IPCEF1: variants seen among roughly 807,000 people sequenced by gnomAD.
IPCEF1 encodes interaction protein for cytohesin exchange factors 1.
A neutral mutation model predicts 50.9 loss-of-function variants in IPCEF1; 31 were observed. The observed-to-expected ratio is 0.61, with a 90% CI of 0.46 to 0.82. The LOEUF (loss-of-function observed/expected upper bound fraction) is 0.82, where lower values mean the gene tolerates loss of function less well. Among genes scored for constraint, IPCEF1 ranks in the 40% least tolerant of loss-of-function variants. The pLI is 0.00. For missense variants in IPCEF1, 458 were observed against 514.0 expected (o/e 0.89, Z 1.05); for synonymous variants, 181 against 192.0 (o/e 0.94, Z 0.47).
At chr6:154,267,390 T>C (rs1300356652) in intron 2 of IPCEF1, among the ~76,000 whole-genome samples, 1 of 152,158 alleles carries the variant, frequency 6.6e-6, no homozygotes, top group Non-Finnish European at 1.5e-5. Flanking sequence ...TTCTTCAGGA[T>C]TGGAAAAAAA....
At chr6:154,236,881 G>T (rs572841272) in intron 5 of IPCEF1, among the ~76,000 whole-genome samples, 44 of 152,142 alleles carry the variant, frequency 2.9e-4, no homozygotes, top group Non-Finnish European at 6.3e-4. Context: ...TGAGCCCAGG[G>T]TTATCTTCCC....
chr6:154,310,537 T>A (rs1009815937), intron 1 of IPCEF1, among the ~76,000 whole-genome samples: 2 of 152,152 alleles, frequency 1.3e-5, no homozygotes, highest in Non-Finnish European at 2.9e-5. Flanking sequence ...GTATTCTGGG[T>A]GTATATCCAA....
chr6:154,323,472 A>G (rs1316723024), intron 1 of IPCEF1, among the ~76,000 whole-genome samples: 1 of 152,222 alleles, frequency 6.6e-6, no homozygotes, highest in Non-Finnish European at 1.5e-5. Context: ...GTATTTACAA[A>G]TAAACGTTTA....
At chr6:154,278,723 AT>A in intron 2 of IPCEF1, among the ~76,000 whole-genome samples, 1 of 142,750 alleles carries the variant, frequency 7.0e-6, no homozygotes, top group Non-Finnish European at 1.5e-5. Flanking sequence ...AATGGTAAAA[AT>A]ATATATATAT....
At chr6:154,305,980 G>T (rs1782922266) in intron 1 of IPCEF1, among the ~76,000 whole-genome samples, 1 of 152,168 alleles carries the variant, frequency 6.6e-6, no homozygotes, top group Non-Finnish European at 1.5e-5. Flanking sequence ...TGACTTCCTT[G>T]CTCCTCAACT....
At position 154,180,905 on chromosome 6, in the gene IPCEF1, G is replaced by A. The variant is rs368665086; in HGVS notation, c.911-12792C>T. Among the ~76,000 whole-genome samples the A allele has an allele frequency of 4.6e-5, 7 of 152,234 alleles. No individual in the cohort carries two copies. In the South Asian group the frequency reaches 6.2e-4, roughly 14 times the overall value. On this transcript the variant is annotated intron_variant, in intron 10 of 11. Coordinates refer to ENST00000367220, the MANE Select transcript of IPCEF1 (RefSeq NM_001130700.2). ...TGGAAAAATTTAGGTAGAAAACAGC[G>A]TTTCCTGTTCATATGCAATGTTCTA...
At chr6:154,340,895 A>AAAG (rs1280619619) in intron 1 of IPCEF1, among the ~76,000 whole-genome samples, 4 of 137,900 alleles carry the variant, frequency 2.9e-5, no homozygotes, top group African/African-American at 1.1e-4. Flanking sequence ...AAAAAAAAAA[A>AAAG]AAGAAATATA....
chr6:154,265,096 G>A (rs1308694452), intron 3 of IPCEF1, among the ~76,000 whole-genome samples: 2 of 152,054 alleles, frequency 1.3e-5, no homozygotes, highest in Admixed American at 6.6e-5. Context: ...ACAATCCCAC[G>A]ACACTCCCCA....
At chr6:154,204,664 A>T (rs1015756916) in intron 9 of IPCEF1, among the ~76,000 whole-genome samples, 1 of 152,124 alleles carries the variant, frequency 6.6e-6, no homozygotes, top group African/African-American at 2.4e-5. Context: ...TGTGACCTTG[A>T]AGAAGTCATT....
intron 1 of IPCEF1, among the ~76,000 whole-genome samples, chr6:154,354,427 A>ACCTCCACCACCT (rs1784173587): frequency 6.9e-6 from 1 of 145,056 alleles, no homozygotes; most frequent in Admixed American, 6.8e-5. Context: ...CTCCACCACC[A>ACCTCCACCACCT]CCTCCACCAT....
At chr6:154,354,415 A>ACCTCCACCACCATCTCCACCATCT (rs1784170293) in intron 1 of IPCEF1, among the ~76,000 whole-genome samples, 9 of 46,706 alleles carry the variant, frequency 1.9e-4, no homozygotes, top group Non-Finnish European at 2.8e-4. Context: ...CTCCACCACC[A>ACCTCCACCACCATCTCCACCATCT]CCTCCACCAC....
At chr6:154,170,043 A>G (rs1232877715) in intron 10 of IPCEF1, among the ~76,000 whole-genome samples, 4 of 152,124 alleles carry the variant, frequency 2.6e-5, no homozygotes, top group Non-Finnish European at 4.4e-5. Context: ...TATGTTACCC[A>G]TGTTAAGCTA....
intron 5 of IPCEF1, among the ~76,000 whole-genome samples, chr6:154,228,479 T>C (rs746392726): frequency 1.3e-5 from 2 of 152,184 alleles, no homozygotes; most frequent in East Asian, 1.9e-4. Flanking sequence ...ACACGTTCCT[T>C]TTCACTTTGT....
At chr6:154,200,898 A>T (rs1389318112) in intron 9 of IPCEF1, among the ~76,000 whole-genome samples, 1 of 152,184 alleles carries the variant, frequency 6.6e-6, no homozygotes, top group Non-Finnish European at 1.5e-5. Flanking sequence ...CTGTGTCCCT[A>T]TCCAAATCTC....
intron 1 of IPCEF1, among the ~76,000 whole-genome samples, chr6:154,333,988 T>G (rs1026066778): frequency 1.2e-4 from 19 of 152,084 alleles, no homozygotes; most frequent in South Asian, 2.1e-4. Flanking sequence ...AGCACTTCAT[T>G]ATAGAGAAAG....
At chr6:154,216,468 A>G (rs1210580072) in intron 7 of IPCEF1, among the ~76,000 whole-genome samples, 1 of 152,250 alleles carries the variant, frequency 6.6e-6, no homozygotes, top group East Asian at 1.9e-4. Context: ...AAGATCAAGC[A>G]TAGAATAGTA....
chr6:154,283,476 T>C (rs1782280412), intron 2 of IPCEF1, among the ~76,000 whole-genome samples: 1 of 148,640 alleles, frequency 6.7e-6, no homozygotes, highest in Non-Finnish European at 1.5e-5. Context: ...TGGGCCCCTG[T>C]AGTCCCAGCT....
rs71021041 is a variant in IPCEF1, at chr6:154,317,548, C to CAAAAAAAAAAAA, written c.-61-27804_-61-27793dup. ...TGGGCGACAGTGAGAGACTCCATCT[C>CAAAAAAAAAAAA]AAAAAAAAAAAAAAAAAAAAAAAAA... is the stretch of plus-strand genomic sequence containing the variant. On this transcript the variant is annotated intron_variant, in intron 1 of 11. Coordinates refer to ENST00000367220, the MANE Select transcript of IPCEF1 (RefSeq NM_001130700.2). Among the ~76,000 whole-genome samples the CAAAAAAAAAAAA allele has an allele frequency of 1.9e-3, 31 of 16,314 alleles. 4 individuals carry two copies. Among genetic ancestry groups the CAAAAAAAAAAAA allele is most frequent in the South Asian group, 0.011 (2 of 178 alleles). 10.7% of individuals were successfully genotyped at this position (16,314 alleles called of 152,430 possible). A position where few individuals can be genotyped will look rare whatever the true frequency, so the allele number is the denominator to read the frequency against.
chr6:154,355,812 T>C (rs1784208280), intron 1 of IPCEF1, among the ~76,000 whole-genome samples: 1 of 151,538 alleles, frequency 6.6e-6, no homozygotes, highest in Non-Finnish European at 1.5e-5. Flanking sequence ...TTTCTTTTCT[T>C]TCTTTTTTTT....
Sources: allele counts gnomAD v4.1 joint callset (sites outside exome capture counted in the v4.1 genomes callset), GRCh38; gene constraint gnomAD v4.1.1; transcripts MANE v1.5; gene names NCBI Gene and HGNC (gene_info 2026-07-23, HGNC 2026-07-21).